AHR: variants seen among roughly 807,000 people sequenced by gnomAD.
AHR encodes the protein aryl hydrocarbon receptor, also known as AH-receptor.
A neutral mutation model predicts 86.8 loss-of-function variants in AHR; 40 were observed. The ratio of observed to expected loss-of-function variants is 0.46; its 90% CI spans 0.36 to 0.60. AHR has a LOEUF of 0.60. AHR is among the 20% of genes least tolerant of loss of function. The probability of loss-of-function intolerance (pLI) is 0.00; values close to 1 mark genes in which losing one functional copy is unlikely to be tolerated. For synonymous variants in AHR, 398 were observed against 354.9 expected, an observed-to-expected ratio of 1.12 and a Z score of -1.37; for missense variants, 1,001 against 1,011.6, an observed-to-expected ratio of 0.99 and a Z score of 0.14.
Position 17,299,322 on chromosome 7 carries a change from C to T in AHR, c.58C>T (p.Gln20Ter). ...YASRKRRKPV[Q>*]KTVKPIPAEG... ...CAGTCGCAAGCGGCGGAAGCCGGTG[C>T]AGAAAACGTGAGTGTCCCGAGCGCG... is the stretch of plus-strand genomic sequence containing the variant. The change falls in exon 1 of 11, where the codon CAG (glutamine) becomes TAG (stop). Residue 20 changes from glutamine (Q) to a stop codon, truncating the protein, a stop_gained. Coordinates refer to ENST00000242057, the MANE Select transcript of AHR (RefSeq NM_001621.5). LOFTEE classifies it high-confidence loss of function. The T allele has an allele frequency of 6.2e-7, 1 of 1,612,836 alleles. No homozygotes were observed. Among genetic ancestry groups the T allele is most frequent in the Non-Finnish European group, 8.5e-7 (1 of 1,179,750 alleles).
At chr7:17,342,536 T>C (rs1782436926) in intron 10 of AHR, among the ~76,000 whole-genome samples, 1 of 152,156 alleles carries the variant, frequency 6.6e-6, no homozygotes, top group Non-Finnish European at 1.5e-5. Context: ...AATTCATTGA[T>C]ACCTATAACT....
At chr7:17,330,212 C>T in intron 5 of AHR, 137 bp downstream of exon 5, 1 of 821,888 alleles carries the variant, frequency 1.2e-6, no homozygotes, top group Non-Finnish European at 1.8e-6. Context: ...AATCATAGGC[C>T]ACAGCTAGGT....
intron 4 of AHR, among the ~76,000 whole-genome samples, chr7:17,328,762 T>C (rs1044114801): frequency 6.6e-6 from 1 of 151,896 alleles, no homozygotes; most frequent in African/African-American, 2.4e-5. Context: ...ACAGGGGGTG[T>C]GTATATTTCA....
At chr7:17,334,498 A>G (rs1419253061) in intron 7 of AHR, among the ~76,000 whole-genome samples, 1 of 152,026 alleles carries the variant, frequency 6.6e-6, no homozygotes, top group East Asian at 1.9e-4. Flanking sequence ...TATCAAACAT[A>G]TCAGTGCTTT....
chr7:17,303,177 G>A (rs1364542869), intron 1 of AHR, among the ~76,000 whole-genome samples: 1 of 151,992 alleles, frequency 6.6e-6, no homozygotes, highest in Non-Finnish European at 1.5e-5. Context: ...ATACAAGCTT[G>A]CCCAGTTCTT....
chr7:17,307,198 C>CAT (rs1782014572), intron 1 of AHR, among the ~76,000 whole-genome samples: 1 of 152,002 alleles, frequency 6.6e-6, no homozygotes, highest in African/African-American at 2.4e-5. Context: ...CTCCCTGTGT[C>CAT]ATAGCATGTT....
At chr7:17,319,268 C>T (rs1322699991) in intron 2 of AHR, among the ~76,000 whole-genome samples, 1 of 151,930 alleles carries the variant, frequency 6.6e-6, no homozygotes, top group Admixed American at 6.6e-5. Flanking sequence ...CAGGCATTAC[C>T]CTGGTATTGT....
In AHR at chr7:17,339,490, C is replaced by T; in HGVS notation, c.1665C>T (p.His555=). The T allele has an allele frequency of 1.9e-6, 3 of 1,614,038 alleles. No individual in the cohort carries two copies. Among genetic ancestry groups the T allele is most frequent in the South Asian group, 2.2e-5 (2 of 91,082 alleles). ...NLGIDFEDIR[H]MQNEKFFRND... ...GCATTGATTTTGAAGACATCAGACACATGCAGAATGAAAAATTTTTCAGAA... is the reference window on the plus strand; with the variant it reads ...GCATTGATTTTGAAGACATCAGACATATGCAGAATGAAAAATTTTTCAGAA... Residue 555 remains histidine (H), a synonymous_variant, in exon 10 of 11, where the codon CAC becomes CAT. Coordinates refer to ENST00000242057, the MANE Select transcript of AHR (RefSeq NM_001621.5).
At chr7:17,306,638 T>C (rs1383892878) in intron 1 of AHR, among the ~76,000 whole-genome samples, 14 of 152,164 alleles carry the variant, frequency 9.2e-5, no homozygotes, top group Admixed American at 8.5e-4. Context: ...CTCAAGCCAC[T>C]TTTTTCCTTT....
chr7:17,312,380 G>C (rs1427953268), intron 2 of AHR, among the ~76,000 whole-genome samples: 1 of 152,122 alleles, frequency 6.6e-6, no homozygotes, highest in Non-Finnish European at 1.5e-5. Flanking sequence ...AAAAAGTATA[G>C]GTTTTTCCTC....
chr7:17,299,150 G>A lies in AHR; in HGVS notation c.-115G>A. 4 of 1,150,984 alleles carry A rather than the reference G, an allele frequency of 3.5e-6. No individual in the cohort carries two copies. The highest frequency in any genetic ancestry group is 4.7e-6 in the Non-Finnish European group (4 of 846,092). The allele number at this position is 1,150,984 out of a possible 1,614,324, so 71.3% of individuals were successfully genotyped here. A position where few individuals can be genotyped will look rare whatever the true frequency, so the allele number is the denominator to read the frequency against. On this transcript the variant is annotated 5_prime_UTR_variant, in exon 1 of 11. Coordinates refer to ENST00000242057, the MANE Select transcript of AHR (RefSeq NM_001621.5). ...TGTCCCGAGAGGACGCAGGTGGAGC[G>A]GGCGCGGCTTCGCGGAACCCGGCGC...
chr7:17,313,133 T>G (rs1366835903), intron 2 of AHR, among the ~76,000 whole-genome samples: 1 of 151,230 alleles, frequency 6.6e-6, no homozygotes, highest in Non-Finnish European at 1.5e-5. Flanking sequence ...ATAATAAGGT[T>G]TTTTTTTTAA....
At chr7:17,310,406 C>A (rs892152490) in intron 2 of AHR, among the ~76,000 whole-genome samples, 5 of 151,236 alleles carry the variant, frequency 3.3e-5, no homozygotes, top group African/African-American at 1.2e-4. Flanking sequence ...TTCCAGTTTC[C>A]CTTCTACTTC....
chr7:17,321,384 C>G (rs1468980846), intron 2 of AHR, among the ~76,000 whole-genome samples: 3 of 151,768 alleles, frequency 2.0e-5, no homozygotes, highest in Non-Finnish European at 4.4e-5. Context: ...ATTACCACCT[C>G]ACATATTAGG....
chr7:17,308,345 G>A (rs1782026576), intron 1 of AHR, among the ~76,000 whole-genome samples: 2 of 152,136 alleles, frequency 1.3e-5, no homozygotes, highest in South Asian at 2.1e-4. Context: ...CACCTTTTCT[G>A]TAAAATCTTT....
intron 2 of AHR, among the ~76,000 whole-genome samples, chr7:17,317,924 A>T (rs1172239248): frequency 6.6e-6 from 1 of 152,124 alleles, no homozygotes; most frequent in Non-Finnish European, 1.5e-5. Context: ...TTTGTCATAT[A>T]GTTATAGAGG....
chr7:17,312,500 G>T (rs1274000728), intron 2 of AHR, among the ~76,000 whole-genome samples: 1 of 152,144 alleles, frequency 6.6e-6, no homozygotes, highest in Non-Finnish European at 1.5e-5. Context: ...CATTATGTGT[G>T]TATGTGTGTT....
At chr7:17,342,227 A>G (rs977062976) in intron 10 of AHR, among the ~76,000 whole-genome samples, 4 of 152,144 alleles carry the variant, frequency 2.6e-5, no homozygotes, top group Non-Finnish European at 4.4e-5. Context: ...CTACAGAGCT[A>G]TACATCTTCA....
intron 1 of AHR, among the ~76,000 whole-genome samples, chr7:17,307,125 AAG>A (rs72461016): frequency 0.019 from 2,955 of 152,228 alleles, 103 homozygotes; most frequent in African/African-American, 0.068. Context: ...GAATATTGCA[AAG>A]AGCCAGCACA....
Sources: gnomAD v4.1 joint callset for allele counts (sites outside exome capture counted in the v4.1 genomes callset) on GRCh38, gnomAD v4.1.1 for gene constraint, MANE v1.5 for transcripts, NCBI Gene and HGNC (gene_info 2026-07-23, HGNC 2026-07-21) for gene names.